The following GREB1L variants were observed in gnomAD, a reference collection of about 807,000 sequenced individuals.
GREB1L encodes the protein GREB1-like protein.
In GREB1L, 17 loss-of-function variants were observed where a neutral mutation model predicts 200.8. The ratio of observed to expected loss-of-function variants is 0.08; its 90% CI spans 0.06 to 0.13. The LOEUF is 0.13. Ranked by LOEUF, GREB1L falls within the 10% of genes least tolerant of loss-of-function variation. The pLI is 1.00. For synonymous variants in GREB1L, 789 were observed against 893.0 expected, an observed-to-expected ratio of 0.88 and a Z score of 2.08; for missense variants, 1,657 against 2,367.7, an observed-to-expected ratio of 0.70 and a Z score of 6.23.
Position 21,500,297 on chromosome 18 carries a change from GC to G in GREB1L, c.3965del (p.Pro1322HisfsTer44). On this transcript the variant is annotated frameshift_variant, in exon 22 of 33. Coordinates refer to ENST00000424526, the MANE Select transcript of GREB1L (RefSeq NM_001142966.3). LOFTEE classifies it high-confidence loss of function. ...FHPRRLLLTG[P>X]PQVGKTGSYL... ...ACCCCCGACGGCTCCTGCTGACAGGGCCCCCACAGGTAGGGCCAAGCCAGCC... is the reference window on the plus strand; with the variant it reads ...ACCCCCGACGGCTCCTGCTGACAGGGCCCCACAGGTAGGGCCAAGCCAGCC... 1 of 1,281,556 alleles carries G rather than the reference GC, an allele frequency of 7.8e-7. No individual in the cohort carries two copies. The highest frequency in any genetic ancestry group is 1.1e-6 in the Non-Finnish European group (1 of 914,194). 79.4% of individuals were successfully genotyped at this position (1,281,556 alleles called of 1,614,324 possible).
At chr18:21,408,700 A>G (rs2030583345) in intron 7 of GREB1L, among the ~76,000 whole-genome samples, 1 of 151,472 alleles carries the variant, frequency 6.6e-6, no homozygotes, top group South Asian at 2.1e-4. Flanking sequence ...AGGCTGAGGC[A>G]GGAGAATCAC....
At chr18:21,430,457 T>C (rs969702268) in intron 7 of GREB1L, among the ~76,000 whole-genome samples, 2 of 151,932 alleles carry the variant, frequency 1.3e-5, no homozygotes, top group Admixed American at 6.6e-5. Context: ...CTTACTTTAT[T>C]AATTTCTGTT....
intron 7 of GREB1L, among the ~76,000 whole-genome samples, chr18:21,404,359 A>C (rs1189595939): frequency 2.6e-5 from 4 of 152,208 alleles, no homozygotes; most frequent in African/African-American, 7.2e-5. Context: ...TAGGGCTCTA[A>C]CTAAGCCCAC....
chr18:21,449,215 G>T (rs1267221335), intron 11 of GREB1L, among the ~76,000 whole-genome samples: 1 of 152,142 alleles, frequency 6.6e-6, no homozygotes, highest in Non-Finnish European at 1.5e-5. Context: ...CCAGCTCCGA[G>T]GGCATACAGT....
intron 18 of GREB1L, among the ~76,000 whole-genome samples, chr18:21,486,615 C>G (rs1404453326): frequency 6.6e-6 from 1 of 152,094 alleles, no homozygotes; most frequent in Non-Finnish European, 1.5e-5. Flanking sequence ...AACATAACTG[C>G]TGTCTTTTCT....
intron 2 of GREB1L, among the ~76,000 whole-genome samples, chr18:21,374,670 T>A (rs1182920452): frequency 6.6e-6 from 1 of 152,202 alleles, no homozygotes; most frequent in Non-Finnish European, 1.5e-5. Flanking sequence ...GTACATGATC[T>A]TTTTAAAAAT....
intron 1 of GREB1L, among the ~76,000 whole-genome samples, chr18:21,294,379 C>T (rs1029237801): frequency 6.6e-6 from 1 of 151,850 alleles, no homozygotes; most frequent in Non-Finnish European, 1.5e-5. Flanking sequence ...TCAAGAGATG[C>T]TTCTGGTGGT....
At chr18:21,296,735 A>G (rs749617340) in intron 1 of GREB1L, among the ~76,000 whole-genome samples, 3 of 151,742 alleles carry the variant, frequency 2.0e-5, no homozygotes, top group Non-Finnish European at 4.4e-5. Context: ...GCTCATTGCA[A>G]CCTGCACCTC....
rs770916134 is a variant in GREB1L, at chr18:21,441,367, G to A, written c.1070-33G>A. 40 of 1,497,830 alleles carry A rather than the reference G, an allele frequency of 2.7e-5. 1 individual carries two copies. The Middle Eastern group carries it at 1.4e-3, about 52-fold the overall frequency. The allele number at this position is 1,497,830 out of a possible 1,614,324, so 92.8% of individuals were successfully genotyped here. ...CTATTGTATTTCATTTAGTTTTCAC[G>A]CCATCTTTCTTGTCAAACTTTTTTT... On this transcript the variant is annotated intron_variant, in intron 9 of 32. Transcript: ENST00000424526.
At chr18:21,509,435 C>T (rs1004376389) in intron 27 of GREB1L, among the ~76,000 whole-genome samples, 2 of 152,170 alleles carry the variant, frequency 1.3e-5, no homozygotes, top group Admixed American at 1.3e-4. Flanking sequence ...CTTGAACCCA[C>T]GTGTTTCTTC....
chr18:21,446,642 CTTTA>C (rs1386663004), intron 11 of GREB1L, among the ~76,000 whole-genome samples: 3 of 152,060 alleles, frequency 2.0e-5, no homozygotes, highest in Non-Finnish European at 4.4e-5. Flanking sequence ...TTCTGGAGTC[CTTTA>C]TTTATTTATT....
chr18:21,371,592 C>A (rs2039875134), intron 2 of GREB1L, among the ~76,000 whole-genome samples: 1 of 151,546 alleles, frequency 6.6e-6, no homozygotes. Flanking sequence ...TCGAGACCAT[C>A]CTGGCTTACA....
intron 3 of GREB1L, 106 bp from the exon 4 acceptor site, chr18:21,384,100 G>A (rs2040436556): frequency 2.4e-6 from 2 of 816,788 alleles, no homozygotes; most frequent in African/African-American, 1.8e-5. Context: ...TTGGCTAAAT[G>A]TTAGAAAATG....
Position 21,524,164 on chromosome 18 carries a change from A to C in GREB1L, c.*1343A>C, listed in dbSNP as rs974440023. On this transcript the variant is annotated 3_prime_UTR_variant, in exon 33 of 33. Transcript: ENST00000424526. The stretch of plus-strand genomic sequence containing the variant: ...ACTTAAAATGGCCATTTTTACTTGA[A>C]TCAATCTTGTTTGTGACCTGAAACT... 7 of 152,166 alleles carry C rather than the reference A, an allele frequency of 4.6e-5. No individual in the cohort carries two copies. Among genetic ancestry groups the C allele is most frequent in the Admixed American group, 4.6e-4 (7 of 15,276 alleles). 9.4% of individuals were successfully genotyped at this position (152,166 alleles called of 1,614,324 possible). A position where few individuals can be genotyped will look rare whatever the true frequency, so the allele number is the denominator to read the frequency against.
chr18:21,261,107 A>C (rs567390823), intron 1 of GREB1L, among the ~76,000 whole-genome samples: 1 of 152,018 alleles, frequency 6.6e-6, no homozygotes, highest in Non-Finnish European at 1.5e-5. Flanking sequence ...GCTTGCTAAC[A>C]TTAGCAGAAA....
chr18:21,320,520 T>C (rs558624221), intron 1 of GREB1L, among the ~76,000 whole-genome samples: 2 of 152,000 alleles, frequency 1.3e-5, no homozygotes, highest in East Asian at 3.9e-4. Flanking sequence ...TCCCAGCACT[T>C]TGGGAGGCCG....
chr18:21,261,157 A>T (rs556066803), intron 1 of GREB1L, among the ~76,000 whole-genome samples: 1 of 152,054 alleles, frequency 6.6e-6, no homozygotes, highest in Admixed American at 6.6e-5. Context: ...TCTATATACT[A>T]TGTAAATATT....
Position 21,350,685 on chromosome 18 carries a change from G to A in GREB1L, c.-119-15342G>A, listed in dbSNP as rs189487319. The stretch of plus-strand genomic sequence containing the variant: ...CAGCAACTCAGAAAAGACTTCATGG[G>A]CAATGATGTAGATGGAGGAGTCACC... On this transcript the variant is annotated intron_variant, in intron 1 of 32. Coordinates refer to ENST00000424526, the MANE Select transcript of GREB1L (RefSeq NM_001142966.3). 1.9e-3 allele frequency among the ~76,000 whole-genome samples: 295 copies of A among 152,254 alleles called. 1 individual carries two copies. Among genetic ancestry groups the A allele is most frequent in the African/African-American group, 6.6e-3 (276 of 41,552 alleles).
intron 5 of GREB1L, among the ~76,000 whole-genome samples, chr18:21,398,214 C>G (rs1185483081): frequency 6.6e-6 from 1 of 152,142 alleles, no homozygotes; most frequent in Non-Finnish European, 1.5e-5. Context: ...GAACTGTGTT[C>G]TAATCCCAGA....
Sources: allele counts gnomAD v4.1 joint callset (sites outside exome capture counted in the v4.1 genomes callset), GRCh38; gene constraint gnomAD v4.1.1; transcripts MANE v1.5; gene names NCBI Gene and HGNC (gene_info 2026-07-23, HGNC 2026-07-21).